The following TRPV3 variants were observed in gnomAD, a reference collection of about 807,000 sequenced individuals.
TRPV3 encodes the protein VRL-3.
In TRPV3, 88 loss-of-function variants were observed where a neutral mutation model predicts 87.1. The observed-to-expected ratio is 1.01, with a 90% CI of 0.85 to 1.21. TRPV3 has a LOEUF of 1.21. Ranked by LOEUF, TRPV3 falls within the 50% of genes most tolerant of loss-of-function variation. The pLI is 0.00. For missense variants in TRPV3, 1,054 were observed against 1,030.1 expected (o/e 1.02, Z -0.32); for synonymous variants, 438 against 423.3 (o/e 1.03, Z -0.43).
chr17:3,511,116 T>C lies in TRPV3; in HGVS notation c.*2801A>G, dbSNP rs1597459665. The C allele has an allele frequency of 6.6e-6, 1 of 152,366 alleles. No homozygotes were observed. Among genetic ancestry groups the C allele is most frequent in the African/African-American group, 2.4e-5 (1 of 41,566 alleles). The allele number at this position is 152,366 out of a possible 1,614,324, so 9.4% of individuals were successfully genotyped here. On this transcript the variant is annotated 3_prime_UTR_variant, in exon 18 of 18. Transcript: ENST00000576742. ...TACTGAAATGTCAATCACGGAGTTT[T>C]AGGATGTCCTGATAGACCCACGGGT...
At chr17:3,534,873 G>C (rs945152902) in intron 7 of TRPV3, among the ~76,000 whole-genome samples, 1 of 152,016 alleles carries the variant, frequency 6.6e-6, no homozygotes, top group African/African-American at 2.4e-5. Context: ...CTGTAAAATG[G>C]GGCTGCCTCC....
Position 3,510,960 on chromosome 17 carries a change from C to T in TRPV3, c.*2957G>A, listed in dbSNP as rs2074105031. ...AAGGTTAAGCACCTTTTATTCCTAA[C>T]AGATATATCACATAATGTCTAGAAT... On this transcript the variant is annotated 3_prime_UTR_variant, in exon 18 of 18. Coordinates refer to ENST00000576742, the MANE Select transcript of TRPV3 (RefSeq NM_145068.4). The T allele has an allele frequency of 6.6e-6, 1 of 152,244 alleles. No homozygotes were observed. The highest frequency in any genetic ancestry group is 2.4e-5 in the African/African-American group (1 of 41,470). 9.4% of individuals were successfully genotyped at this position (152,244 alleles called of 1,614,324 possible). A position where few individuals can be genotyped will look rare whatever the true frequency, so the allele number is the denominator to read the frequency against.
intron 12 of TRPV3, 27 bp from the exon 13 acceptor site, chr17:3,524,390 G>A (rs1379764974): frequency 2.5e-6 from 4 of 1,612,020 alleles, no homozygotes; most frequent in African/African-American, 1.3e-5. Context: ...GGAGACACGG[G>A]CCTTACTTAC....
chr17:3,530,017 G>A lies in TRPV3; in HGVS notation c.1242+10C>T. 1 of 1,609,286 alleles carries A rather than the reference G, an allele frequency of 6.2e-7. No individual in the cohort carries two copies. Among genetic ancestry groups the A allele is most frequent in the African/African-American group, 1.3e-5 (1 of 74,998 alleles). ...CTCCCTGCCCTTCCCCGCCTGTGCAGGAGACCCACGTCGATGTTGGTGTTG... is the reference window on the plus strand; with the variant it reads ...CTCCCTGCCCTTCCCCGCCTGTGCAAGAGACCCACGTCGATGTTGGTGTTG... On this transcript the variant is annotated intron_variant, in intron 9 of 17. Transcript: ENST00000576742. The surrounding 1 kb of genome is among the most constrained non-coding windows in gnomAD (Gnocchi z 4.0).
chr17:3,555,417 T>G (rs995885617), intron 1 of TRPV3, among the ~76,000 whole-genome samples: 1 of 152,168 alleles, frequency 6.6e-6, no homozygotes, highest in African/African-American at 2.4e-5. Flanking sequence ...CCTCAGGTGT[T>G]TTGGATTCCT....
chr17:3,552,057 A>ATT (rs537778250), intron 2 of TRPV3, among the ~76,000 whole-genome samples: 1 of 145,218 alleles, frequency 6.9e-6, no homozygotes, highest in African/African-American at 2.5e-5. Context: ...TAATTTTTGT[A>ATT]TTTTTTTTTA....
chr17:3,519,890 T>TTGA (rs2074229204), intron 14 of TRPV3, among the ~76,000 whole-genome samples: 4 of 33,518 alleles, frequency 1.2e-4, no homozygotes, highest in African/African-American at 4.4e-4. Flanking sequence ...GGATGGATGA[T>TTGA]TGGATGGATG....
At chr17:3,520,636 C>T (rs1223504790) in intron 14 of TRPV3, among the ~76,000 whole-genome samples, 1 of 152,028 alleles carries the variant, frequency 6.6e-6, no homozygotes, top group African/African-American at 2.4e-5. Context: ...GGTGATGATT[C>T]CCACTTGATC....
At chr17:3,532,589 G>A (rs1443953261) in intron 8 of TRPV3, 68 bp downstream of exon 8, 6 of 1,566,474 alleles carry the variant, frequency 3.8e-6, no homozygotes, top group Admixed American at 3.4e-5. Flanking sequence ...GGCCCCCGGG[G>A]CTGAGAGGGT....
chr17:3,554,446 C>A, intron 2 of TRPV3: 1 of 328,420 alleles, frequency 3.0e-6, no homozygotes, highest in Non-Finnish European at 5.5e-6. Flanking sequence ...CATCCCTCAC[C>A]TCCCTCAGGA....
In TRPV3 at chr17:3,528,055, G is replaced by C. The variant is rs748004956; in HGVS notation, c.1473C>G (p.Leu491=). The C allele has an allele frequency of 6.2e-7, 1 of 1,613,752 alleles. No homozygotes were observed. The highest frequency in any genetic ancestry group is 1.1e-5 in the South Asian group (1 of 91,070). The change falls in exon 11 of 18, where the codon CTC becomes CTG. Residue 491 remains leucine, a synonymous_variant. Coordinates refer to ENST00000576742, the MANE Select transcript of TRPV3 (RefSeq NM_145068.4). The surrounding 1 kb of genome is among the most constrained non-coding windows in gnomAD (Gnocchi z 4.2). The part of the protein sequence containing the change: ...WLQLLGRMFV[L]IWAMCISVKE... ...TCACAGAGATGCACATGGCCCAGATGAGCACAAACATCCTCCCTAGGAGCT... is the reference window on the plus strand; with the variant it reads ...TCACAGAGATGCACATGGCCCAGATCAGCACAAACATCCTCCCTAGGAGCT...
chr17:3,550,948 G>A (rs544203169), intron 2 of TRPV3, among the ~76,000 whole-genome samples: 2 of 152,166 alleles, frequency 1.3e-5, no homozygotes, highest in African/African-American at 4.8e-5. Flanking sequence ...CAGTGATCTC[G>A]ACCAGAGCTA....
intron 2 of TRPV3, among the ~76,000 whole-genome samples, chr17:3,546,144 T>C (rs2074523395): frequency 6.6e-6 from 1 of 152,030 alleles, no homozygotes; most frequent in Admixed American, 6.6e-5. Context: ...AAATCTGCAC[T>C]TTATGGAAGA....
At position 3,532,866 on chromosome 17, in the gene TRPV3, G is replaced by GCT; in HGVS notation, c.854_855dup (p.Gln286SerfsTer20). 6.2e-7 allele frequency: 1 copy of GCT among 1,614,228 alleles called. No homozygotes were observed. The highest frequency in any genetic ancestry group is 8.5e-7 in the Non-Finnish European group (1 of 1,180,038). On this transcript the variant is annotated frameshift_variant, in exon 8 of 18. Coordinates refer to ENST00000576742, the MANE Select transcript of TRPV3 (RefSeq NM_145068.4). LOFTEE classifies it high-confidence loss of function. Reference sequence around the variant, plus strand: ...GAGTCCCGCGAGGTGATGTCCGTCTGCTCGTGCTCCATCAGCAGCTGCACA... The same window carrying GCT: ...GAGTCCCGCGAGGTGATGTCCGTCTGCTCTCGTGCTCCATCAGCAGCTGCACA...
chr17:3,526,101 G>A lies in TRPV3; in HGVS notation c.1577+753C>T, dbSNP rs567502777. On this transcript the variant is annotated intron_variant, in intron 12 of 17. Coordinates refer to ENST00000576742, the MANE Select transcript of TRPV3 (RefSeq NM_145068.4). Reference sequence around the variant, plus strand: ...CTAACCAAAGTCACAACACAGGCACGATTGTAAGAAAAACCATCTAATTCA... The same window carrying A: ...CTAACCAAAGTCACAACACAGGCACAATTGTAAGAAAAACCATCTAATTCA... Among the ~76,000 whole-genome samples, 10 of 152,226 alleles carry A rather than the reference G, an allele frequency of 6.6e-5. No individual in the cohort carries two copies. In the East Asian group the frequency reaches 9.6e-4, roughly 15 times the overall value.
At position 3,557,305 on chromosome 17, in the gene TRPV3, C is replaced by A. The variant is rs1179703010; in HGVS notation, c.-3+371G>T. On this transcript the variant is annotated intron_variant, in intron 1 of 17. Coordinates refer to ENST00000576742, the MANE Select transcript of TRPV3 (RefSeq NM_145068.4). The surrounding 1 kb of genome is among the most constrained non-coding windows in gnomAD (Gnocchi z 4.5). ...CACGGTGGGGCCACCTCCTCCCATCCTGAACTCCCATCACAATCCTGCCCC... is the reference window on the plus strand; with the variant it reads ...CACGGTGGGGCCACCTCCTCCCATCATGAACTCCCATCACAATCCTGCCCC... 6.6e-6 allele frequency among the ~76,000 whole-genome samples: 1 copy of A among 152,160 alleles called. No individual in the cohort carries two copies. Among genetic ancestry groups the A allele is most frequent in the East Asian group, 1.9e-4 (1 of 5,192 alleles).
intron 13 of TRPV3, among the ~76,000 whole-genome samples, chr17:3,523,718 CAAAAAAAA>C (rs201681037): frequency 1.3e-5 from 1 of 78,638 alleles, no homozygotes; most frequent in African/African-American, 5.3e-5. Context: ...ACTTGGTCTC[CAAAAAAAA>C]AAAAAAAAAG....
At chr17:3,551,867 A>ATTTTTTTT (rs2074577917) in intron 2 of TRPV3, among the ~76,000 whole-genome samples, 3 of 23,984 alleles carry the variant, frequency 1.3e-4, no homozygotes, top group Non-Finnish European at 2.4e-4. Flanking sequence ...CCTGTAATTT[A>ATTTTTTTT]TTCTTTTTTT....
chr17:3,512,740 A>C lies in TRPV3; in HGVS notation c.*1177T>G, dbSNP rs2074130285. 6.6e-6 allele frequency: 1 copy of C among 152,000 alleles called. No homozygotes were observed. The highest frequency in any genetic ancestry group is 2.4e-5 in the African/African-American group (1 of 41,346). The allele number at this position is 152,000 out of a possible 1,614,324, so 9.4% of individuals were successfully genotyped here. A position where few individuals can be genotyped will look rare whatever the true frequency, so the allele number is the denominator to read the frequency against. ...GAGAACATCAGAGGACGAGGACCTAAAAATAAGCTCAAAGTCTTGGCAAAT... is the reference window on the plus strand; with the variant it reads ...GAGAACATCAGAGGACGAGGACCTACAAATAAGCTCAAAGTCTTGGCAAAT... On this transcript the variant is annotated 3_prime_UTR_variant, in exon 18 of 18. Coordinates refer to ENST00000576742, the MANE Select transcript of TRPV3 (RefSeq NM_145068.4).
Sources: allele counts gnomAD v4.1 joint callset (sites outside exome capture counted in the v4.1 genomes callset), GRCh38; gene constraint gnomAD v4.1.1; non-coding constraint Gnocchi (gnomAD v3.1); transcripts MANE v1.5; gene names NCBI Gene and HGNC (gene_info 2026-07-23, HGNC 2026-07-21).